BPNT1: variants seen among roughly 807,000 people sequenced by gnomAD.
BPNT1 encodes 3'(2'), 5'-bisphosphate nucleotidase 1.
Under a neutral mutation model 36.9 loss-of-function variants are expected in BPNT1, and 28 were observed. The ratio of observed to expected loss-of-function variants is 0.76; its 90% CI spans 0.56 to 1.04. BPNT1 has a LOEUF of 1.04. Among genes scored for constraint, BPNT1 ranks in the 50% least tolerant of loss-of-function variants. The pLI is 0.00. For missense variants in BPNT1, 313 were observed against 372.9 expected, an observed-to-expected ratio of 0.84 and a Z score of 1.32; for synonymous variants, 119 against 130.9, an observed-to-expected ratio of 0.91 and a Z score of 0.62.
At chr1:220,077,942 T>C (rs1664701966) in intron 2 of BPNT1, among the ~76,000 whole-genome samples, 1 of 152,014 alleles carries the variant, frequency 6.6e-6, no homozygotes, top group Non-Finnish European at 1.5e-5. Flanking sequence ...CTTGGGAGTC[T>C]AAGGTGGGTG....
At chr1:220,089,082 C>T (rs563183574) in intron 1 of BPNT1, among the ~76,000 whole-genome samples, 23 of 111,738 alleles carry the variant, frequency 2.1e-4, no homozygotes, top group African/African-American at 7.2e-4. Context: ...GCCTGGGCGA[C>T]AGAGCGAGAC....
At chr1:220,059,441 CTAAAT>C (rs1373051507) in intron 8 of BPNT1, among the ~76,000 whole-genome samples, 15 of 149,228 alleles carry the variant, frequency 1.0e-4, no homozygotes, top group Non-Finnish European at 2.1e-4. Context: ...TAAATAAGGG[CTAAAT>C]TAAATTAACT....
chr1:220,079,794 A>G lies in BPNT1; in HGVS notation c.53T>C (p.Ile18Thr), dbSNP rs750004325. 2 of 1,614,010 alleles carry G rather than the reference A, an allele frequency of 1.2e-6. No homozygotes were observed. Among genetic ancestry groups the G allele is most frequent in the East Asian group, 4.5e-5 (2 of 44,848 alleles). Residue 18 changes from isoleucine (I) to threonine (T), a missense_variant, in exon 2 of 9, where the codon ATT (isoleucine) becomes ACT (threonine). Ile to Thr is a moderately conservative substitution (Grantham distance 89). Coordinates refer to ENST00000322067, the MANE Select transcript of BPNT1 (RefSeq NM_006085.6). ...GACTATCATTCCTGCCTTTTGAGCA[A>G]TAGAATATGCGGAGGCTACCAACCG... Reference protein sequence around the residue: ...LMRLVASAYSIAQKAGMIVRR... With the variant: ...LMRLVASAYSTAQKAGMIVRR...
Position 220,074,005 on chromosome 1 carries a change from C to G in BPNT1, c.187G>C (p.Ala63Pro). 1 of 1,614,084 alleles carries G rather than the reference C, an allele frequency of 6.2e-7. No individual in the cohort carries two copies. The highest frequency in any genetic ancestry group is 8.5e-7 in the Non-Finnish European group (1 of 1,180,014). ...LAQMSICSSLARKFPKLTIIG... is the reference protein window; with the variant it reads ...LAQMSICSSLPRKFPKLTIIG... ...ATTGTGAGTTTGGGGAATTTCCGGG[C>G]CAATGAAGAACATATGCTCATCTGT... The change falls in exon 3 of 9, where the codon GCC (alanine) becomes CCC (proline). Residue 63 changes from alanine to proline, a missense_variant. Ala to Pro is a conservative substitution (Grantham distance 27, BLOSUM62 -1). Transcript: ENST00000322067.
chr1:220,081,213 G>A (rs1194715714), intron 1 of BPNT1, among the ~76,000 whole-genome samples: 1 of 152,166 alleles, frequency 6.6e-6, no homozygotes, highest in Non-Finnish European at 1.5e-5. Flanking sequence ...GATTACAGGC[G>A]TGAGCCACTG....
chr1:220,058,453 T>C lies in BPNT1; in HGVS notation c.*391A>G. 1 of 970,486 alleles carries C rather than the reference T, an allele frequency of 1.0e-6. No individual in the cohort carries two copies. Among genetic ancestry groups the C allele is most frequent in the Non-Finnish European group, 1.2e-6 (1 of 814,234 alleles). The allele number at this position is 970,486 out of a possible 1,614,324, so 60.1% of individuals were successfully genotyped here. ...AGGTGGAACTCTAATTCTACCCAAT[T>C]AATCTTAAAATGTATTATTTTGAGA... On this transcript the variant is annotated 3_prime_UTR_variant, in exon 9 of 9. Transcript: ENST00000322067.
intron 1 of BPNT1, among the ~76,000 whole-genome samples, chr1:220,082,030 C>A (rs973097300): frequency 7.3e-6 from 1 of 136,990 alleles, no homozygotes. Flanking sequence ...ATTATTTCAT[C>A]GCAATAAGGG....
At chr1:220,072,297 A>C (rs895437757) in intron 4 of BPNT1, among the ~76,000 whole-genome samples, 2 of 151,032 alleles carry the variant, frequency 1.3e-5, no homozygotes, top group African/African-American at 4.9e-5. Context: ...CAGGAGGTGG[A>C]GGTTGTGGTG....
At chr1:220,085,204 A>G (rs1326193148) in intron 1 of BPNT1, among the ~76,000 whole-genome samples, 1 of 152,200 alleles carries the variant, frequency 6.6e-6, no homozygotes, top group Non-Finnish European at 1.5e-5. Flanking sequence ...TGATACAGGT[A>G]GATTAAGAGC....
chr1:220,074,215 TC>T, intron 2 of BPNT1, 144 bp from the exon 3 acceptor site: 1 of 663,480 alleles, frequency 1.5e-6, no homozygotes, highest in East Asian at 2.9e-5. Flanking sequence ...TTAACTGGTT[TC>T]TTGCCTTGGT....
intron 2 of BPNT1, among the ~76,000 whole-genome samples, chr1:220,078,461 TAATAAATAATTTATAATA>T (rs1191330098): frequency 8.4e-6 from 1 of 119,760 alleles, no homozygotes; most frequent in Non-Finnish European, 1.6e-5. Context: ...TATATATAAA[TAATAAATAATTTATAATA>T]AATAATAATT....
At chr1:220,072,999 T>C (rs774559995) in intron 3 of BPNT1, 42 bp from the exon 4 acceptor site, 1 of 1,477,988 alleles carries the variant, frequency 6.8e-7, no homozygotes, top group Non-Finnish European at 9.5e-7. Context: ...AGCTGTTTAG[T>C]GTTTACAGAG....
chr1:220,073,962 C>T lies in BPNT1; in HGVS notation c.225+5G>A. ...TTTTAAAAAAATGTCTCTGATGACG[C>T]TTACCTCTTCCCCTATAATTGTGAG... On this transcript the variant is annotated splice_donor_5th_base_variant and intron_variant, in intron 3 of 8. Transcript: ENST00000322067. 1 of 1,612,834 alleles carries T rather than the reference C, an allele frequency of 6.2e-7. No individual in the cohort carries two copies. Among genetic ancestry groups the T allele is most frequent in the South Asian group, 1.1e-5 (1 of 90,756 alleles).
At chr1:220,066,761 C>T (rs914165467) in intron 6 of BPNT1, among the ~76,000 whole-genome samples, 22 of 152,134 alleles carry the variant, frequency 1.4e-4, no homozygotes, top group Non-Finnish European at 2.2e-4. Context: ...GAGCATAGTA[C>T]GTTCTGTTAC....
intron 4 of BPNT1, 109 bp downstream of exon 4, chr1:220,072,741 G>T (rs1664180314): frequency 5.1e-6 from 4 of 790,556 alleles, no homozygotes; most frequent in Non-Finnish European, 8.4e-6. Flanking sequence ...GTTTCTGGTT[G>T]CCCCTATTTT....
Position 220,074,025 on chromosome 1 carries a change from A to C in BPNT1, c.167T>G (p.Met56Arg). Residue 56 changes from methionine (M) to arginine (R), a missense_variant, in exon 3 of 9, where the codon ATG becomes AGG. By Grantham distance (91) the Met-to-Arg change is moderately conservative. Coordinates refer to ENST00000322067, the MANE Select transcript of BPNT1 (RefSeq NM_006085.6). Reference sequence around the variant, plus strand: ...CCGGGCCAATGAAGAACATATGCTCATCTGTGCCAATCGGTCAGCTTTGGT... The same window carrying C: ...CCGGGCCAATGAAGAACATATGCTCCTCTGTGCCAATCGGTCAGCTTTGGT... Reference protein sequence around the residue: ...LQTKADRLAQMSICSSLARKF... With the variant: ...LQTKADRLAQRSICSSLARKF... The C allele has an allele frequency of 1.2e-6, 2 of 1,614,156 alleles. No individual in the cohort carries two copies. The highest frequency in any genetic ancestry group is 1.7e-6 in the Non-Finnish European group (2 of 1,180,014).
chr1:220,065,306 T>C (rs1056578665), intron 6 of BPNT1, among the ~76,000 whole-genome samples: 2 of 152,176 alleles, frequency 1.3e-5, no homozygotes, highest in African/African-American at 2.4e-5. Context: ...GCTTGCCTTC[T>C]TCTGTGCTCC....
Position 220,058,717 on chromosome 1 carries a change from TG to T in BPNT1, c.*126del. 1 of 951,142 alleles carries T rather than the reference TG, an allele frequency of 1.1e-6. No homozygotes were observed. Among genetic ancestry groups the T allele is most frequent in the Non-Finnish European group, 1.6e-6 (1 of 640,542 alleles). 58.9% of individuals were successfully genotyped at this position (951,142 alleles called of 1,614,324 possible). On this transcript the variant is annotated 3_prime_UTR_variant, in exon 9 of 9. Transcript: ENST00000322067. Reference sequence around the variant, plus strand: ...CAGTTAATTTGTATTTTTGTAGAGATGGGGTCTCACGATATTGCCCAGGCTG... The same window carrying T: ...CAGTTAATTTGTATTTTTGTAGAGATGGGTCTCACGATATTGCCCAGGCTG...
intron 1 of BPNT1, among the ~76,000 whole-genome samples, chr1:220,088,965 G>A (rs1331333827): frequency 1.3e-5 from 2 of 151,346 alleles, no homozygotes; most frequent in Non-Finnish European, 2.9e-5. Flanking sequence ...GCCAGGCTTG[G>A]TGGTGGGCGC....
Sources: gnomAD v4.1 joint callset for allele counts (sites outside exome capture counted in the v4.1 genomes callset) on GRCh38, gnomAD v4.1.1 for gene constraint, MANE v1.5 for transcripts, NCBI Gene and HGNC (gene_info 2026-07-23, HGNC 2026-07-21) for gene names.